The following TMEM171 variants were observed in gnomAD, a reference collection of about 807,000 sequenced individuals.
TMEM171 encodes proline-rich protein PRP2.
A neutral mutation model predicts 19.1 loss-of-function variants in TMEM171; 16 were observed. The observed-to-expected ratio is 0.84, with a 90% CI of 0.57 to 1.27. The LOEUF is 1.27. Ranked by LOEUF, TMEM171 falls within the 50% of genes most tolerant of loss-of-function variation. The pLI, the probability that TMEM171 is intolerant of heterozygous loss-of-function variation, is 0.00. For synonymous variants in TMEM171, 153 were observed against 163.4 expected (o/e 0.94, Z 0.48); for missense variants, 429 against 412.7 (o/e 1.04, Z -0.34).
In TMEM171 at chr5:73,123,428, A is replaced by T; in HGVS notation, c.55A>T (p.Ser19Cys). 6.2e-7 allele frequency: 1 copy of T among 1,614,204 alleles called. No individual in the cohort carries two copies. The highest frequency in any genetic ancestry group is 8.5e-7 in the Non-Finnish European group (1 of 1,180,030). ...TGGGGACCAGCAGGACAGACACGTC[A>T]GCAAACTCATCTTCTGCTTCTTTGT... is the stretch of plus-strand genomic sequence containing the variant. Reference protein sequence around the residue: ...PDGDQQDRHVSKLIFCFFVFG... With the variant: ...PDGDQQDRHVCKLIFCFFVFG... The change falls in exon 2 of 4, where the codon AGC becomes TGC. Residue 19 changes from serine (S) to cysteine (C), a missense_variant. Transcript: ENST00000454765.
chr5:73,126,210 C>T (rs1293122919), intron 2 of TMEM171, among the ~76,000 whole-genome samples: 1 of 152,198 alleles, frequency 6.6e-6, no homozygotes, highest in African/African-American at 2.4e-5. Context: ...TCAAGGGTTA[C>T]TTCACAGGTT....
rs757689951 is a variant in TMEM171 at position 73,123,572 on chromosome 5, G to C, written c.199G>C (p.Ala67Pro). The C allele has an allele frequency of 1.2e-6, 2 of 1,614,232 alleles. No individual in the cohort carries two copies. Among genetic ancestry groups the C allele is most frequent in the Admixed American group, 1.7e-5 (1 of 60,026 alleles). The change falls in exon 2 of 4, where the codon GCC (alanine) becomes CCC (proline). Residue 67 changes from alanine to proline, a missense_variant. By Grantham distance (27) the Ala-to-Pro change is conservative. Coordinates refer to ENST00000454765, the MANE Select transcript of TMEM171 (RefSeq NM_173490.8). ...MVLKVAGPACAVVGLGAVILA... is the reference protein window; with the variant it reads ...MVLKVAGPACPVVGLGAVILA... Reference sequence around the variant, plus strand: ...GCTCAAGGTGGCGGGGCCTGCATGTGCCGTGGTTGGGCTTGGGGCTGTGAT... The same window carrying C: ...GCTCAAGGTGGCGGGGCCTGCATGTCCCGTGGTTGGGCTTGGGGCTGTGAT...
chr5:73,127,319 G>A (rs1312300832), intron 2 of TMEM171, among the ~76,000 whole-genome samples: 1 of 142,696 alleles, frequency 7.0e-6, no homozygotes, highest in Non-Finnish European at 1.5e-5. Flanking sequence ...TACCATAATT[G>A]TCAGCACTCT....
chr5:73,123,474 G>T lies in TMEM171; in HGVS notation c.101G>T (p.Cys34Phe). ...TTTGTCTTCGGCGCCGTCTTGTTGT[G>T]TGTGGGAGTCCTGCTCTCCATCTTT... ...CFFVFGAVLL[C>F]VGVLLSIFGF... The change falls in exon 2 of 4, where the codon TGT becomes TTT. Residue 34 changes from cysteine (C) to phenylalanine (F), a missense_variant. Transcript: ENST00000454765. 1.2e-6 allele frequency: 2 copies of T among 1,614,182 alleles called. No individual in the cohort carries two copies. The highest frequency in any genetic ancestry group is 1.7e-6 in the Non-Finnish European group (2 of 1,180,030).
At chr5:73,125,528 G>A (rs1002648928) in intron 2 of TMEM171, among the ~76,000 whole-genome samples, 2 of 152,214 alleles carry the variant, frequency 1.3e-5, no homozygotes, top group Admixed American at 6.5e-5. Flanking sequence ...GCACGTGGGT[G>A]TGATTCCATT....
chr5:73,120,769 C>T (rs1743986528), intron 1 of TMEM171, 73 bp downstream of exon 1: 8 of 981,842 alleles, frequency 8.1e-6, no homozygotes, highest in Admixed American at 6.2e-5. Flanking sequence ...CCAGGCTGGG[C>T]GCGGGGAGCC....
chr5:73,126,825 T>C (rs550184025), intron 2 of TMEM171, among the ~76,000 whole-genome samples: 2 of 152,330 alleles, frequency 1.3e-5, no homozygotes, highest in African/African-American at 2.4e-5. Flanking sequence ...TGAACTGTTA[T>C]TGCTATTGCC....
chr5:73,125,424 C>T (rs1234223803), intron 2 of TMEM171, among the ~76,000 whole-genome samples: 1 of 152,146 alleles, frequency 6.6e-6, no homozygotes, highest in Non-Finnish European at 1.5e-5. Context: ...AGTGACTTGC[C>T]TAAGGTCACA....
rs1281794027 is a variant in TMEM171, at chr5:73,123,739, C to T, written c.366C>T (p.Ser122=). ...CLIFGFLFLT[S]GMLISVLGIW... ...TCTTTGGGTTTCTGTTCTTGACAAG[C>T]GGCATGCTCATCAGCGTCCTGGGCA... The change falls in exon 2 of 4, where the codon AGC becomes AGT. Residue 122 remains serine, a synonymous_variant. Transcript: ENST00000454765. 13 of 1,614,038 alleles carry T rather than the reference C, an allele frequency of 8.1e-6. No individual in the cohort carries two copies. The highest frequency in any genetic ancestry group is 6.6e-5 in the South Asian group (6 of 91,082).
At chr5:73,125,738 A>G (rs1393469437) in intron 2 of TMEM171, among the ~76,000 whole-genome samples, 1 of 152,222 alleles carries the variant, frequency 6.6e-6, no homozygotes, top group Non-Finnish European at 1.5e-5. Context: ...AGCTGGAATC[A>G]GAGTGGACAG....
At chr5:73,131,135 T>C (rs1744343695) in intron 3 of TMEM171, among the ~76,000 whole-genome samples, 1 of 152,096 alleles carries the variant, frequency 6.6e-6, no homozygotes, top group African/African-American at 2.4e-5. Flanking sequence ...GTCCTTCAGG[T>C]TTGTGGCTTA....
chr5:73,131,509 C>G (rs373230115), intron 3 of TMEM171, 29 bp from the exon 4 acceptor site: 12 of 1,532,708 alleles, frequency 7.8e-6, no homozygotes, highest in African/African-American at 1.4e-5. Flanking sequence ...TCATCCCCTC[C>G]CCTTCATGTT....
chr5:73,128,676 A>C, intron 3 of TMEM171, 145 bp downstream of exon 3: 1 of 967,690 alleles, frequency 1.0e-6, no homozygotes, highest in Non-Finnish European at 1.4e-6. Flanking sequence ...TATTAACAGT[A>C]CCTTTGCCGA....
At chr5:73,127,278 A>C (rs1418466293) in intron 2 of TMEM171, among the ~76,000 whole-genome samples, 1 of 151,034 alleles carries the variant, frequency 6.6e-6, no homozygotes, top group African/African-American at 2.4e-5. Context: ...GCTTGGTCTT[A>C]GACTTGCTAC....
At chr5:73,123,265 A>C in intron 1 of TMEM171, 41 bp from the exon 2 acceptor site, 1 of 1,500,086 alleles carries the variant, frequency 6.7e-7, no homozygotes, top group South Asian at 1.4e-5. Context: ...GTTCTGGAAC[A>C]CCTGTGCCCA....
intron 2 of TMEM171, among the ~76,000 whole-genome samples, 167 bp from the exon 3 acceptor site, chr5:73,128,223 C>CT (rs1744232366): frequency 6.6e-6 from 1 of 152,184 alleles, no homozygotes; most frequent in Non-Finnish European, 1.5e-5. Context: ...ACCTAGTCTA[C>CT]TTTTCTATCT....
chr5:73,126,000 A>G (rs1744152996), intron 2 of TMEM171, among the ~76,000 whole-genome samples: 1 of 152,170 alleles, frequency 6.6e-6, no homozygotes, highest in African/African-American at 2.4e-5. Context: ...AGGGGTGTAT[A>G]TGTTGTCTGC....
chr5:73,128,835 G>A (rs1404091303), intron 3 of TMEM171, among the ~76,000 whole-genome samples: 3 of 152,154 alleles, frequency 2.0e-5, no homozygotes, highest in Admixed American at 1.3e-4. Context: ...GCTCACACCT[G>A]TAATCCCAGC....
chr5:73,122,776 T>C (rs1250631832), intron 1 of TMEM171, among the ~76,000 whole-genome samples: 8 of 152,224 alleles, frequency 5.3e-5, no homozygotes, highest in Non-Finnish European at 1.2e-4. Flanking sequence ...TCTTATTCTA[T>C]TGAAATTGCT....
Sources: allele counts gnomAD v4.1 joint callset (sites outside exome capture counted in the v4.1 genomes callset), GRCh38; gene constraint gnomAD v4.1.1; transcripts MANE v1.5; gene names NCBI Gene and HGNC (gene_info 2026-07-23, HGNC 2026-07-21).